CCSER1: variants seen among roughly 807,000 people sequenced by gnomAD.
CCSER1 encodes the protein serine-rich coiled-coil domain-containing protein 1.
A neutral mutation model predicts 82.0 loss-of-function variants in CCSER1; 41 were observed. That is an observed-to-expected ratio of 0.50 (90% CI 0.39 to 0.65). CCSER1 has a LOEUF of 0.65. CCSER1 is among the 30% of genes least tolerant of loss of function. The pLI, the probability that CCSER1 is intolerant of heterozygous loss-of-function variation, is 0.00. For synonymous variants in CCSER1, 414 were observed against 383.9 expected (o/e 1.08, Z -0.92); for missense variants, 1,119 against 1,064.2 (o/e 1.05, Z -0.72).
At chr4:91,547,594 C>A (rs73838040) in intron 10 of CCSER1, among the ~76,000 whole-genome samples, 2,445 of 152,256 alleles carry the variant, frequency 0.016, 67 homozygotes, top group African/African-American at 0.056. Context: ...TTCTTACAGA[C>A]AACATGTAGT....
At chr4:90,830,991 T>C (rs1761048795) in intron 8 of CCSER1, among the ~76,000 whole-genome samples, 1 of 152,156 alleles carries the variant, frequency 6.6e-6, no homozygotes, top group Non-Finnish European at 1.5e-5. Flanking sequence ...TTCCACTTAC[T>C]GTTCCCAACC....
chr4:90,575,753 C>G (rs1007387655), intron 5 of CCSER1, among the ~76,000 whole-genome samples: 13 of 152,048 alleles, frequency 8.5e-5, no homozygotes, highest in African/African-American at 2.7e-4. Context: ...TTTGTAAATG[C>G]CTTCATTCTA....
intron 10 of CCSER1, among the ~76,000 whole-genome samples, chr4:91,598,040 A>G (rs565613444): frequency 6.6e-6 from 1 of 152,198 alleles, no homozygotes; most frequent in African/African-American, 2.4e-5. Flanking sequence ...TAAGTGGTCT[A>G]TTGGTCTTCT....
intron 6 of CCSER1, among the ~76,000 whole-genome samples, chr4:90,714,737 C>A (rs1338087491): frequency 1.3e-5 from 2 of 151,936 alleles, no homozygotes; most frequent in Non-Finnish European, 2.9e-5. Context: ...AAAATCGAAG[C>A]AAACAAGAGC....
At chr4:90,156,988 G>A (rs1309528664) in intron 1 of CCSER1, among the ~76,000 whole-genome samples, 1 of 152,100 alleles carries the variant, frequency 6.6e-6, no homozygotes, top group Non-Finnish European at 1.5e-5. Flanking sequence ...TTACAATTTG[G>A]CATGATTTTG....
chr4:90,226,478 G>T (rs193070659), intron 1 of CCSER1, among the ~76,000 whole-genome samples: 24 of 152,332 alleles, frequency 1.6e-4, no homozygotes, highest in Non-Finnish European at 2.9e-4. Flanking sequence ...GATATGGGGT[G>T]TTAAAATTAG....
chr4:91,005,624 A>G (rs1309336218), intron 9 of CCSER1, among the ~76,000 whole-genome samples: 3 of 152,204 alleles, frequency 2.0e-5, no homozygotes, highest in Non-Finnish European at 4.4e-5. Context: ...CTGTATGCAT[A>G]TTGTTGTACA....
intron 7 of CCSER1, chr4:90,781,447 T>C (rs868642031): frequency 1.0e-6 from 1 of 985,310 alleles, no homozygotes; most frequent in Non-Finnish European, 1.2e-6. Flanking sequence ...TTCTTTAAAA[T>C]CAAATTTAAT....
chr4:90,982,230 T>G (rs992932328), intron 9 of CCSER1, among the ~76,000 whole-genome samples: 1 of 151,754 alleles, frequency 6.6e-6, no homozygotes, highest in African/African-American at 2.4e-5. Flanking sequence ...GCTACCTTCT[T>G]GCTGTAACAT....
At chr4:91,354,118 G>A (rs1275576766) in intron 10 of CCSER1, among the ~76,000 whole-genome samples, 1 of 152,150 alleles carries the variant, frequency 6.6e-6, no homozygotes, top group East Asian at 1.9e-4. Context: ...AGTTTTATTA[G>A]CAATGATTTT....
At chr4:90,181,371 A>G (rs1733703055) in intron 1 of CCSER1, among the ~76,000 whole-genome samples, 1 of 152,186 alleles carries the variant, frequency 6.6e-6, no homozygotes, top group Non-Finnish European at 1.5e-5. Context: ...TGCAAAAGTA[A>G]TGAACTTTTG....
chr4:90,913,008 CTGAT>C (rs1581049473), intron 8 of CCSER1, among the ~76,000 whole-genome samples: 2 of 152,322 alleles, frequency 1.3e-5, no homozygotes, highest in East Asian at 1.9e-4. Context: ...AAATCTGCGT[CTGAT>C]TGGTGTACCT....
chr4:90,526,428 C>G (rs1398760198), intron 5 of CCSER1, among the ~76,000 whole-genome samples: 1 of 151,592 alleles, frequency 6.6e-6, no homozygotes, highest in African/African-American at 2.4e-5. Flanking sequence ...ACTTTAATTT[C>G]TGGGATACAT....
chr4:90,751,133 T>G (rs17184632), intron 7 of CCSER1, among the ~76,000 whole-genome samples: 5 of 151,852 alleles, frequency 3.3e-5, no homozygotes, highest in Non-Finnish European at 2.9e-5. Flanking sequence ...ATTTTCTCCT[T>G]CAGCCAAATA....
intron 6 of CCSER1, among the ~76,000 whole-genome samples, chr4:90,710,234 A>C (rs1335767005): frequency 6.6e-6 from 1 of 151,902 alleles, no homozygotes. Flanking sequence ...AGTTTCTCCC[A>C]TTCTCTAGGT....
Position 91,123,539 on chromosome 4 carries a change from A to G in CCSER1, c.2217+37545A>G, listed in dbSNP as rs140786673. On this transcript the variant is annotated intron_variant, in intron 10 of 10. Transcript: ENST00000509176. ...GTCAGGAAACCTAAGCCTTAACTCA[A>G]AAGTCTGGAATTACAAAACATGACG... Among the ~76,000 whole-genome samples, 700 of 151,832 alleles carry G rather than the reference A, an allele frequency of 4.6e-3. 8 individuals are homozygous for G. The highest frequency in any genetic ancestry group is 0.016 in the African/African-American group (644 of 41,520).
At chr4:90,996,317 C>A (rs967220114) in intron 9 of CCSER1, among the ~76,000 whole-genome samples, 1 of 151,938 alleles carries the variant, frequency 6.6e-6, no homozygotes, top group Non-Finnish European at 1.5e-5. Flanking sequence ...TTTGTTGGGA[C>A]CATTTTATGG....
intron 3 of CCSER1, among the ~76,000 whole-genome samples, chr4:90,319,889 A>T (rs552299529): frequency 6.6e-6 from 1 of 152,328 alleles, no homozygotes; most frequent in African/African-American, 2.4e-5. Context: ...CATATGAATC[A>T]TTCTCCTCAA....
chr4:90,183,302 C>T (rs369747770), intron 1 of CCSER1, among the ~76,000 whole-genome samples: 2 of 152,008 alleles, frequency 1.3e-5, no homozygotes, highest in African/African-American at 2.4e-5. Flanking sequence ...ACCCTGTATC[C>T]GGTTTTAACC....
Sources: gnomAD v4.1 joint callset for allele counts (sites outside exome capture counted in the v4.1 genomes callset) on GRCh38, gnomAD v4.1.1 for gene constraint, MANE v1.5 for transcripts, NCBI Gene and HGNC (gene_info 2026-07-23, HGNC 2026-07-21) for gene names.